EPHA5: variants seen among roughly 807,000 people sequenced by gnomAD.
The protein encoded by EPHA5 is ephrin type-A receptor 5.
EPHA5 carries 60 observed loss-of-function variants against 105.0 expected under a neutral mutation model. The observed-to-expected ratio is 0.57, with a 90% confidence interval of 0.46 to 0.71. The LOEUF (loss-of-function observed/expected upper bound fraction) is 0.71, where lower values mean the gene tolerates loss of function less well. EPHA5 is among the 30% of genes least tolerant of loss of function. EPHA5 has a pLI of 0.00. For missense variants in EPHA5, 1,218 were observed against 1,274.7 expected (o/e 0.96, Z 0.68); for synonymous variants, 513 against 449.1 (o/e 1.14, Z -1.80).
In EPHA5 at chr4:65,554,573, G is replaced by A. The variant is rs1003870127; in HGVS notation, c.910+47068C>T. 1.1e-4 allele frequency among the ~76,000 whole-genome samples: 17 copies of A among 151,338 alleles called. 1 individual carries two copies. Among genetic ancestry groups the A allele is most frequent in the Admixed American group, 1.1e-3 (17 of 15,156 alleles). On this transcript the variant is annotated intron_variant, in intron 3 of 16. Coordinates refer to ENST00000613740, the MANE Select transcript of EPHA5 (RefSeq NM_001281766.3). ...ATAATTATAATAAATGTATAATGTG[G>A]ATTTTATTTATATTGTATTTCTATT...
chr4:65,364,499 A>G (rs1717656781), intron 11 of EPHA5, among the ~76,000 whole-genome samples: 1 of 151,718 alleles, frequency 6.6e-6, no homozygotes, highest in African/African-American at 2.4e-5. Context: ...TGCTTTCACA[A>G]CAACAAAAAT....
intron 3 of EPHA5, among the ~76,000 whole-genome samples, chr4:65,520,384 G>C (rs34497151): frequency 6.6e-6 from 1 of 152,036 alleles, no homozygotes; most frequent in East Asian, 1.9e-4. Flanking sequence ...AATTCAAGAT[G>C]GATTAAAGAC....
intron 5 of EPHA5, among the ~76,000 whole-genome samples, chr4:65,466,593 T>C (rs993302559): frequency 1.3e-5 from 2 of 152,172 alleles, no homozygotes; most frequent in African/African-American, 4.8e-5. Flanking sequence ...ACTGTTGCAA[T>C]CTAGTTATGA....
rs540173741 is a variant in EPHA5, at chr4:65,542,279, A to C, written c.911-46736T>G. ...GATAAAGACACAACAAACATCAAAA[A>C]ATCAATAAATCCAGGAGCTGGTTTT... On this transcript the variant is annotated intron_variant, in intron 3 of 16. Transcript: ENST00000613740. 2.0e-5 allele frequency among the ~76,000 whole-genome samples: 3 copies of C among 152,084 alleles called. No homozygotes were observed. The East Asian group carries it at 5.8e-4, about 29-fold the overall frequency.
At chr4:65,579,750 C>T (rs938811347) in intron 3 of EPHA5, among the ~76,000 whole-genome samples, 2 of 151,852 alleles carry the variant, frequency 1.3e-5, no homozygotes, top group African/African-American at 4.8e-5. Context: ...ATCAAGACAG[C>T]TGAAATGATA....
chr4:65,405,921 G>A (rs1237310053), intron 7 of EPHA5, among the ~76,000 whole-genome samples: 1 of 151,656 alleles, frequency 6.6e-6, no homozygotes, highest in Non-Finnish European at 1.5e-5. Flanking sequence ...TTTGGCAGAG[G>A]TCACTGTTTC....
At chr4:65,342,936 T>A (rs887619972) in intron 14 of EPHA5, among the ~76,000 whole-genome samples, 4 of 151,816 alleles carry the variant, frequency 2.6e-5, no homozygotes, top group African/African-American at 9.7e-5. Context: ...AACGACTGGA[T>A]TAAAACTGGC....
chr4:65,539,915 G>A lies in EPHA5; in HGVS notation c.911-44372C>T, dbSNP rs78439968. Reference sequence around the variant, plus strand: ...TGTACCTATATTATTATTATATTATGCACATATGTTATCACTATATTATTT... The same window carrying A: ...TGTACCTATATTATTATTATATTATACACATATGTTATCACTATATTATTT... On this transcript the variant is annotated intron_variant, in intron 3 of 16. Transcript: ENST00000613740. Among the ~76,000 whole-genome samples the A allele has an allele frequency of 1.7e-4, 25 of 151,358 alleles. No individual in the cohort carries two copies. The East Asian group carries it at 4.7e-3, about 28-fold the overall frequency.
At chr4:65,415,480 T>A (rs1413599011) in intron 6 of EPHA5, among the ~76,000 whole-genome samples, 1 of 152,042 alleles carries the variant, frequency 6.6e-6, no homozygotes, top group African/African-American at 2.4e-5. Context: ...TCTATAAACA[T>A]TTTTCTTTTA....
At chr4:65,443,088 T>C (rs1179228148) in intron 5 of EPHA5, among the ~76,000 whole-genome samples, 1 of 152,146 alleles carries the variant, frequency 6.6e-6, no homozygotes, top group Non-Finnish European at 1.5e-5. Flanking sequence ...ACTTGCCTTT[T>C]AGAAGAGCAA....
At chr4:65,517,703 T>C (rs2149272099) in intron 3 of EPHA5, among the ~76,000 whole-genome samples, 1 of 152,070 alleles carries the variant, frequency 6.6e-6, no homozygotes. Flanking sequence ...TTTAGAAAAT[T>C]ACTGATATGT....
At chr4:65,512,174 G>C (rs992620518) in intron 3 of EPHA5, among the ~76,000 whole-genome samples, 10 of 152,128 alleles carry the variant, frequency 6.6e-5, no homozygotes, top group African/African-American at 2.4e-4. Context: ...GGTAAAACAT[G>C]ATCACTTACA....
In EPHA5 at chr4:65,348,211, T is replaced by TC. The variant is rs1722406029; in HGVS notation, c.2446-9_2446-8insG. ...GATTGGAATTTTTCCTCCCTAAAAT[T>TC]GAAAAAGATTTAAAAAACTTCCTAC... is the stretch of plus-strand genomic sequence containing the variant. On this transcript the variant is annotated splice_polypyrimidine_tract_variant and intron_variant, in intron 13 of 16. Transcript: ENST00000613740. 1 of 1,606,168 alleles carries TC rather than the reference T, an allele frequency of 6.2e-7. No homozygotes were observed. The highest frequency in any genetic ancestry group is 8.5e-7 in the Non-Finnish European group (1 of 1,177,294).
chr4:65,652,696 C>T (rs1748714531), intron 1 of EPHA5, among the ~76,000 whole-genome samples: 1 of 152,044 alleles, frequency 6.6e-6, no homozygotes, highest in East Asian at 1.9e-4. Flanking sequence ...TACTGAAAAT[C>T]TTATGTTACA....
intron 5 of EPHA5, among the ~76,000 whole-genome samples, chr4:65,458,238 G>A (rs1460557654): frequency 6.6e-6 from 1 of 151,876 alleles, no homozygotes; most frequent in African/African-American, 2.4e-5. Flanking sequence ...AGTTTCATAC[G>A]AAGAAATTGT....
intron 5 of EPHA5, among the ~76,000 whole-genome samples, chr4:65,441,524 T>A (rs918937386): frequency 1.3e-5 from 2 of 151,844 alleles, no homozygotes; most frequent in Non-Finnish European, 2.9e-5. Context: ...GGAAAATTTT[T>A]AAAAAAGGCA....
chr4:65,467,510 A>G (rs750774361), intron 5 of EPHA5, among the ~76,000 whole-genome samples: 9 of 152,216 alleles, frequency 5.9e-5, no homozygotes, highest in Non-Finnish European at 1.0e-4. Flanking sequence ...ACTTGACTTT[A>G]CAAGAGACAA....
intron 3 of EPHA5, among the ~76,000 whole-genome samples, chr4:65,579,615 GT>G (rs1012314485): frequency 5.9e-5 from 9 of 151,580 alleles, no homozygotes; most frequent in African/African-American, 2.2e-4. Flanking sequence ...TTATCTTCAT[GT>G]TTTATTAAAA....
intron 5 of EPHA5, among the ~76,000 whole-genome samples, chr4:65,484,853 T>TA (rs5858961): frequency 0.045 from 6,862 of 152,144 alleles, 218 homozygotes; most frequent in African/African-American, 0.09. Context: ...TAACTGTTTT[T>TA]AACAGAATTT....
Sources: allele counts gnomAD v4.1 joint callset (sites outside exome capture counted in the v4.1 genomes callset), GRCh38; gene constraint gnomAD v4.1.1; transcripts MANE v1.5; gene names NCBI Gene and HGNC (gene_info 2026-07-23, HGNC 2026-07-21).